Variants in PCDH17 observed in about 807,000 individuals in gnomAD.
PCDH17 encodes protocadherin-17.
In PCDH17, 21 loss-of-function variants were observed where a neutral mutation model predicts 67.7. The ratio of observed to expected loss-of-function variants is 0.31; its 90% CI spans 0.22 to 0.45. PCDH17 has a LOEUF of 0.45. Ranked by LOEUF, PCDH17 falls within the 20% of genes least tolerant of loss-of-function variation. The probability of loss-of-function intolerance (pLI) is 1.00; values close to 1 mark genes in which losing one functional copy is unlikely to be tolerated. For missense variants in PCDH17, 1,471 were observed against 1,564.8 expected (o/e 0.94, Z 1.01); for synonymous variants, 701 against 656.7 (o/e 1.07, Z -1.03).
At chr13:57,680,991 T>C (rs1185662748) in intron 3 of PCDH17, among the ~76,000 whole-genome samples, 3 of 151,764 alleles carry the variant, frequency 2.0e-5, no homozygotes, top group African/African-American at 4.8e-5. Flanking sequence ...TAATTGGTAA[T>C]GTAAAGAAAA....
chr13:57,691,242 A>G (rs1402538780), intron 3 of PCDH17, among the ~76,000 whole-genome samples: 1 of 151,330 alleles, frequency 6.6e-6, no homozygotes, highest in African/African-American at 2.4e-5. Context: ...TTTAAAATGA[A>G]CTTAATTCAC....
rs180772354 is a variant in PCDH17 at position 57,633,428 on chromosome 13, C to T, written c.882C>T (p.Phe294=). The T allele has an allele frequency of 2.5e-6, 4 of 1,613,534 alleles. No homozygotes were observed. The East Asian group carries it at 8.9e-5, about 36-fold the overall frequency. ...SYVPDRVREL[F]SIDPKTGLIR... ...TGCCTGACCGCGTGCGGGAGCTCTT[C>T]TCCATCGACCCCAAGACCGGCCTAA... Residue 294 remains phenylalanine (F), a synonymous_variant, in exon 1 of 4, where the codon TTC becomes TTT. Transcript: ENST00000377918. The surrounding 1 kb of genome is among the most constrained non-coding windows in gnomAD (Gnocchi z 6.2).
chr13:57,660,577 G>T (rs1955170856), intron 1 of PCDH17, among the ~76,000 whole-genome samples: 1 of 152,024 alleles, frequency 6.6e-6, no homozygotes, highest in Non-Finnish European at 1.5e-5. Flanking sequence ...CTTTTTTGAG[G>T]TGTATAGTTC....
chr13:57,701,502 A>T (rs544472212), intron 3 of PCDH17, among the ~76,000 whole-genome samples: 5 of 149,154 alleles, frequency 3.4e-5, no homozygotes, highest in Admixed American at 6.8e-5. Context: ...AACTGCTAGA[A>T]GTATTTGATT....
At chr13:57,681,955 G>A (rs1376129912) in intron 3 of PCDH17, among the ~76,000 whole-genome samples, 1 of 151,640 alleles carries the variant, frequency 6.6e-6, no homozygotes. Context: ...ACTCTACAAT[G>A]TACAAAACTC....
chr13:57,699,809 A>T (rs1467569635), intron 3 of PCDH17, among the ~76,000 whole-genome samples: 1 of 152,050 alleles, frequency 6.6e-6, no homozygotes, highest in African/African-American at 2.4e-5. Context: ...CTATTTTAAA[A>T]TTTTAAAATA....
At chr13:57,643,027 T>C (rs1389999088) in intron 1 of PCDH17, among the ~76,000 whole-genome samples, 1 of 151,660 alleles carries the variant, frequency 6.6e-6, no homozygotes, top group Non-Finnish European at 1.5e-5. Context: ...ATAGTTCATT[T>C]TATTTTTCAC....
chr13:57,652,846 A>G (rs751624409), intron 1 of PCDH17, among the ~76,000 whole-genome samples: 2 of 152,174 alleles, frequency 1.3e-5, no homozygotes, highest in Non-Finnish European at 2.9e-5. Flanking sequence ...ATATTGAGGT[A>G]TCTATAGAGT....
At chr13:57,641,194 C>T (rs1260013459) in intron 1 of PCDH17, among the ~76,000 whole-genome samples, 1 of 151,668 alleles carries the variant, frequency 6.6e-6, no homozygotes, top group Non-Finnish European at 1.5e-5. Context: ...GAGGCTTTGA[C>T]AATAATTTTC....
intron 3 of PCDH17, among the ~76,000 whole-genome samples, chr13:57,675,906 G>GC (rs1213212568): frequency 2.6e-5 from 4 of 151,838 alleles, no homozygotes; most frequent in Non-Finnish European, 5.9e-5. Flanking sequence ...AGAAAATGAG[G>GC]CCCAGAGTAG....
intron 3 of PCDH17, among the ~76,000 whole-genome samples, chr13:57,690,221 A>G (rs890433652): frequency 2.0e-5 from 3 of 151,750 alleles, no homozygotes; most frequent in East Asian, 1.9e-4. Flanking sequence ...CATCCTATCC[A>G]TATTCATGCT....
intron 1 of PCDH17, among the ~76,000 whole-genome samples, chr13:57,653,827 G>T (rs1294214263): frequency 6.6e-6 from 1 of 152,024 alleles, no homozygotes; most frequent in African/African-American, 2.4e-5. Flanking sequence ...TTCATGTGTC[G>T]AAATGCATTT....
At chr13:57,687,733 G>A in intron 3 of PCDH17, among the ~76,000 whole-genome samples, 1 of 151,984 alleles carries the variant, frequency 6.6e-6, no homozygotes. Context: ...ATTTGACCAT[G>A]AATACCTGAA....
At position 57,725,063 on chromosome 13, in the gene PCDH17, G is replaced by A. The variant is rs1157654787; in HGVS notation, c.3249G>A (p.Lys1083=). 1 of 1,614,034 alleles carries A rather than the reference G, an allele frequency of 6.2e-7. No homozygotes were observed. The highest frequency in any genetic ancestry group is 8.5e-7 in the Non-Finnish European group (1 of 1,180,014). Residue 1083 remains lysine (K), a synonymous_variant, in exon 4 of 4, where the codon AAG becomes AAA. Transcript: ENST00000377918. Reference sequence around the variant, plus strand: ...ACAGTCAATATCTGTCACCTAGTAAGCAACCAAGAGACCCTCCCTTCATGG... The same window carrying A: ...ACAGTCAATATCTGTCACCTAGTAAACAACCAAGAGACCCTCCCTTCATGG... ...PTDSQYLSPS[K]QPRDPPFMAS...
At chr13:57,679,314 T>A (rs762540773) in intron 3 of PCDH17, among the ~76,000 whole-genome samples, 9 of 150,600 alleles carry the variant, frequency 6.0e-5, no homozygotes, top group Non-Finnish European at 1.3e-4. Flanking sequence ...CAATATTCTA[T>A]GAAATCATAA....
At chr13:57,637,771 G>A (rs1490442205) in intron 1 of PCDH17, among the ~76,000 whole-genome samples, 1 of 151,986 alleles carries the variant, frequency 6.6e-6, no homozygotes, top group Non-Finnish European at 1.5e-5. Context: ...GCGGTGATAT[G>A]AAATTTAGGA....
chr13:57,668,743 A>C (rs1955285680), intron 3 of PCDH17, among the ~76,000 whole-genome samples: 1 of 152,094 alleles, frequency 6.6e-6, no homozygotes, highest in Non-Finnish European at 1.5e-5. Context: ...CATCCCTATT[A>C]GTAAATACAG....
At chr13:57,672,814 A>C (rs2138033829) in intron 3 of PCDH17, among the ~76,000 whole-genome samples, 1 of 152,078 alleles carries the variant, frequency 6.6e-6, no homozygotes, top group South Asian at 2.1e-4. Flanking sequence ...AACAGACAAC[A>C]GCCAAACTTT....
intron 1 of PCDH17, among the ~76,000 whole-genome samples, chr13:57,664,088 A>G (rs999939320): frequency 6.6e-5 from 10 of 151,942 alleles, no homozygotes; most frequent in Admixed American, 6.6e-5. Flanking sequence ...ATTTTTATCA[A>G]GATGGGGTCT....
Sources: allele counts gnomAD v4.1 joint callset (sites outside exome capture counted in the v4.1 genomes callset), GRCh38; gene constraint gnomAD v4.1.1; non-coding constraint Gnocchi (gnomAD v3.1); transcripts MANE v1.5; gene names NCBI Gene and HGNC (gene_info 2026-07-23, HGNC 2026-07-21).